TVP23A: variants seen among roughly 807,000 people sequenced by gnomAD.
TVP23A encodes the protein trans-golgi network vesicle protein 23 homolog A.
In TVP23A, 21 loss-of-function variants were observed where a neutral mutation model predicts 31.7. That is an observed-to-expected ratio of 0.66 (90% CI 0.47 to 0.95). TVP23A has a LOEUF of 0.95. Among genes scored for constraint, TVP23A ranks in the 40% least tolerant of loss-of-function variants. The pLI, the probability that TVP23A is intolerant of heterozygous loss-of-function variation, is 0.00. For missense variants in TVP23A, 279 were observed against 255.6 expected (o/e 1.09, Z -0.62); for synonymous variants, 104 against 96.0 (o/e 1.08, Z -0.49).
rs773431831 is a variant in TVP23A, at chr16:10,767,972, T to C, written c.*1130A>G. On this transcript the variant is annotated 3_prime_UTR_variant, in exon 8 of 8. Transcript: ENST00000299866. This position sits in a 1 kb window ranked among gnomAD's most constrained non-coding sequence, Gnocchi z 4.6. ...AGGTAAGAATTGTGACAAAGGCCAG[T>C]CTTTTTTCATTGACGCCCCAGATTC... is the stretch of plus-strand genomic sequence containing the variant. 9.3e-6 allele frequency: 15 copies of C among 1,614,082 alleles called. No individual in the cohort carries two copies.
At chr16:10,775,375 C>T in intron 2 of TVP23A, 4 of 1,221,352 alleles carry the variant, frequency 3.3e-6, no homozygotes, top group Non-Finnish European at 4.1e-6. Flanking sequence ...CTCTTCGAAA[C>T]ACGGTCATCT....
chr16:10,792,845 A>G (rs1291781437), intron 2 of TVP23A, among the ~76,000 whole-genome samples: 3 of 152,254 alleles, frequency 2.0e-5, no homozygotes, highest in South Asian at 2.1e-4. Flanking sequence ...GACTGTTGGG[A>G]TATCTGAGCA....
intron 2 of TVP23A, among the ~76,000 whole-genome samples, chr16:10,782,846 C>T (rs530002053): frequency 1.4e-4 from 21 of 152,226 alleles, no homozygotes; most frequent in Non-Finnish European, 2.2e-4. Flanking sequence ...CCCACTCATT[C>T]GCTGGACTAC....
chr16:10,762,894 CATGGGGAGA>C (rs983424845), downstream of TVP23A, among the ~76,000 whole-genome samples: 4 of 147,912 alleles, frequency 2.7e-5, no homozygotes, highest in Admixed American at 6.7e-5. Context: ...GGAAGGGCTG[CATGGGGAGA>C]ATGGGAGCCT....
chr16:10,787,401 G>T (rs2032827426), intron 2 of TVP23A, among the ~76,000 whole-genome samples: 1 of 152,164 alleles, frequency 6.6e-6, no homozygotes. Context: ...AATAGGAAAA[G>T]GCTACCTGGG....
At chr16:10,776,859 T>C (rs2032061183) in intron 2 of TVP23A, among the ~76,000 whole-genome samples, 1 of 152,150 alleles carries the variant, frequency 6.6e-6, no homozygotes, top group Non-Finnish European at 1.5e-5. Flanking sequence ...CCATGACATC[T>C]GTGAACTGTC....
chr16:10,775,039 G>A lies in TVP23A; in HGVS notation c.147C>T (p.Tyr49=), dbSNP rs557259702. The part of the protein sequence containing the change: ...LFFRVSAIVT[Y]VSCDWFSKSF... ...TCTTGCTGAACCAGTCGCAGCTCACGTAGGTGACGATGGCACTCACTCGGA... is the reference window on the plus strand; with the variant it reads ...TCTTGCTGAACCAGTCGCAGCTCACATAGGTGACGATGGCACTCACTCGGA... The change falls in exon 3 of 8, where the codon TAC becomes TAT. Residue 49 remains tyrosine (Y), a synonymous_variant. Transcript: ENST00000299866. 3.2e-5 allele frequency: 52 copies of A among 1,612,176 alleles called. No individual in the cohort carries two copies. Among genetic ancestry groups the A allele is most frequent in the South Asian group, 1.3e-4 (12 of 90,648 alleles).
downstream of TVP23A, among the ~76,000 whole-genome samples, chr16:10,758,344 G>A (rs80321799): frequency 1.2e-4 from 19 of 152,204 alleles, no homozygotes; most frequent in East Asian, 3.3e-3. Flanking sequence ...ATGGTGGCTC[G>A]CGCCTGTAGT....
In TVP23A at chr16:10,769,043, C is replaced by T. The variant is rs2031311262; in HGVS notation, c.*59G>A. Reference sequence around the variant, plus strand: ...CACTCTATGCCTGTCGTCTTGTTTTCCAGGAATCCAAGAGTTTTGTAATCT... The same window carrying T: ...CACTCTATGCCTGTCGTCTTGTTTTTCAGGAATCCAAGAGTTTTGTAATCT... On this transcript the variant is annotated 3_prime_UTR_variant, in exon 8 of 8. Coordinates refer to ENST00000299866, the MANE Select transcript of TVP23A (RefSeq NM_001079512.4). 1 of 1,613,898 alleles carries T rather than the reference C, an allele frequency of 6.2e-7. No individual in the cohort carries two copies. Among genetic ancestry groups the T allele is most frequent in the African/African-American group, 1.3e-5 (1 of 74,896 alleles).
chr16:10,806,114 G>T (rs564339677), intron 2 of TVP23A, among the ~76,000 whole-genome samples: 1 of 152,184 alleles, frequency 6.6e-6, no homozygotes, highest in African/African-American at 2.4e-5. Flanking sequence ...AGGCTGAGGC[G>T]GATGGATTGC....
At chr16:10,812,754 T>G (rs547028457) in intron 2 of TVP23A, among the ~76,000 whole-genome samples, 42 of 151,062 alleles carry the variant, frequency 2.8e-4, no homozygotes, top group Non-Finnish European at 4.4e-4. Flanking sequence ...GGAAGGAGAG[T>G]TGTTAAACGG....
downstream of TVP23A, among the ~76,000 whole-genome samples, chr16:10,764,179 G>A (rs2030482660): frequency 6.6e-6 from 1 of 152,230 alleles, no homozygotes; most frequent in Non-Finnish European, 1.5e-5. Flanking sequence ...TCAGCCCACG[G>A]GAGCATCCCA....
intron 4 of TVP23A, 130 bp from the exon 5 acceptor site, chr16:10,773,571 T>G (rs2031783829): frequency 1.7e-6 from 2 of 1,175,690 alleles, no homozygotes; most frequent in African/African-American, 3.1e-5. Context: ...TGGTGTTGTT[T>G]TGTTTTGTTT....
chr16:10,775,584 GTC>G, intron 2 of TVP23A: 2 of 992,316 alleles, frequency 2.0e-6, no homozygotes, highest in Non-Finnish European at 2.4e-6. Flanking sequence ...TGAATGGCAG[GTC>G]TAACTCATCA....
Position 10,785,455 on chromosome 16 carries a change from C to G in TVP23A, c.90-10359G>C, listed in dbSNP as rs545606708. ...AAAGTGGGTGGACATAGGTATGAAG[C>G]TCTGTCTAAGAGTACACAGAGAAAC... is the stretch of plus-strand genomic sequence containing the variant. On this transcript the variant is annotated intron_variant, in intron 2 of 7. Transcript: ENST00000299866. 9.9e-5 allele frequency among the ~76,000 whole-genome samples: 15 copies of G among 152,266 alleles called. 1 individual carries two copies. Among genetic ancestry groups the G allele is most frequent in the Admixed American group, 9.8e-4 (15 of 15,284 alleles).
chr16:10,763,318 A>G (rs1252141534), downstream of TVP23A, among the ~76,000 whole-genome samples: 1 of 151,436 alleles, frequency 6.6e-6, no homozygotes, highest in Non-Finnish European at 1.5e-5. Context: ...CCAGGAGGAC[A>G]GTGTTGGGGG....
chr16:10,815,291 A>G (rs2034389201), intron 2 of TVP23A, among the ~76,000 whole-genome samples: 1 of 152,218 alleles, frequency 6.6e-6, no homozygotes, highest in Non-Finnish European at 1.5e-5. Context: ...GTGCACCTGC[A>G]GTCCCAGCTA....
At chr16:10,761,188 G>A (rs185388190), downstream of TVP23A, 196 of 547,034 alleles carry the variant, frequency 3.6e-4, no homozygotes, top group Non-Finnish European at 3.9e-4. Flanking sequence ...GGGATGATGG[G>A]GATTACAGTT....
At chr16:10,799,836 C>T (rs939322189) in intron 2 of TVP23A, among the ~76,000 whole-genome samples, 4 of 152,006 alleles carry the variant, frequency 2.6e-5, no homozygotes, top group South Asian at 2.1e-4. Context: ...ACAGGGGACT[C>T]GGAGTTATTA....
Sources: allele counts gnomAD v4.1 joint callset (sites outside exome capture counted in the v4.1 genomes callset), GRCh38; gene constraint gnomAD v4.1.1; non-coding constraint Gnocchi (gnomAD v3.1); transcripts MANE v1.5; gene names NCBI Gene and HGNC (gene_info 2026-07-23, HGNC 2026-07-21).